TRPC5: variants seen among roughly 807,000 people sequenced by gnomAD.
TRPC5 encodes the protein short transient receptor potential channel 5.
A neutral mutation model predicts 56.5 loss-of-function variants in TRPC5; 9 were observed. The ratio of observed to expected loss-of-function variants is 0.16; its 90% CI spans 0.10 to 0.28. TRPC5 has a LOEUF of 0.28. TRPC5 is among the 10% of genes least tolerant of loss of function. The probability of loss-of-function intolerance (pLI) is 1.00; values close to 1 mark genes in which losing one functional copy is unlikely to be tolerated. For synonymous variants in TRPC5, 282 were observed against 278.5 expected (o/e 1.01, Z -0.13); for missense variants, 469 against 748.9 (o/e 0.63, Z 4.36).
At chrX:111,825,147 CT>C (rs1340583843) in intron 7 of TRPC5, among the ~76,000 whole-genome samples, 5,608 of 23,980 alleles carry the variant, frequency 0.23, 580 homozygotes, top group African/African-American at 0.26. Context: ...TCCTTCCTTC[CT>C]TTCTTTCTTT....
intron 2 of TRPC5, among the ~76,000 whole-genome samples, chrX:111,948,458 G>A (rs1265571541): frequency 9.8e-5 from 11 of 111,898 alleles, no homozygotes; most frequent in African/African-American, 3.6e-4. Context: ...GCTGCTGGGT[G>A]CAGTGGCTCA....
intron 3 of TRPC5, among the ~76,000 whole-genome samples, chrX:111,905,828 T>A (rs747406354): frequency 9.8e-6 from 1 of 102,439 alleles, no homozygotes; most frequent in African/African-American, 3.7e-5. Flanking sequence ...GGCAGGAGAA[T>A]GGCGTGAACC....
intron 1 of TRPC5, among the ~76,000 whole-genome samples, chrX:112,004,794 G>T (rs1928790328): frequency 9.0e-6 from 1 of 111,455 alleles, no homozygotes; most frequent in African/African-American, 3.3e-5. Context: ...GACTGGGAAA[G>T]AACCAGGTGT....
At chrX:112,078,216 T>A (rs930533251) in intron 1 of TRPC5, among the ~76,000 whole-genome samples, 3 of 111,608 alleles carry the variant, frequency 2.7e-5, no homozygotes, top group Non-Finnish European at 5.6e-5. Flanking sequence ...ATTGTGTGTG[T>A]GAGTGTGTGT....
intron 1 of TRPC5, among the ~76,000 whole-genome samples, chrX:112,057,855 GA>G (rs1265631153): frequency 8.9e-6 from 1 of 111,914 alleles, no homozygotes; most frequent in Non-Finnish European, 1.9e-5. Flanking sequence ...CACAGATTCA[GA>G]TCCAGTGGGT....
chrX:111,986,034 A>G (rs889182682), intron 1 of TRPC5, among the ~76,000 whole-genome samples: 14 of 112,008 alleles, frequency 1.2e-4, no homozygotes, highest in Admixed American at 4.7e-4. Flanking sequence ...TGTGAATGAT[A>G]TGTCTTCTGG....
intron 8 of TRPC5, 63 bp from the exon 9 acceptor site, chrX:111,781,269 C>T (rs1464743448): frequency 7.0e-6 from 7 of 997,138 alleles, no homozygotes; most frequent in Non-Finnish European, 1.0e-5. Flanking sequence ...CCCACCCAAA[C>T]ATCTGAATAT....
chrX:111,891,257 G>A (rs1490546652), intron 3 of TRPC5, among the ~76,000 whole-genome samples: 1 of 111,874 alleles, frequency 8.9e-6, no homozygotes, highest in Non-Finnish European at 1.9e-5. Context: ...GGGTCAAATG[G>A]TATTTCTGTC....
intron 7 of TRPC5, among the ~76,000 whole-genome samples, chrX:111,794,304 G>A (rs147590842): frequency 9.0e-6 from 1 of 111,451 alleles, no homozygotes; most frequent in African/African-American, 3.3e-5. Flanking sequence ...TAATCTATAT[G>A]TCCATCTCTG....
intron 1 of TRPC5, among the ~76,000 whole-genome samples, chrX:112,008,939 G>T (rs1278577426): frequency 8.9e-6 from 1 of 111,801 alleles, no homozygotes; most frequent in African/African-American, 3.3e-5. Flanking sequence ...GAGAGGATCT[G>T]CCTGTCACTG....
At chrX:111,928,122 T>C (rs1603102495) in intron 2 of TRPC5, among the ~76,000 whole-genome samples, 3 of 111,691 alleles carry the variant, frequency 2.7e-5, no homozygotes, top group African/African-American at 9.8e-5. Flanking sequence ...ATTCCTTCTT[T>C]AGCAGAAAAA....
chrX:111,999,274 T>G (rs751456836), intron 1 of TRPC5, among the ~76,000 whole-genome samples: 3 of 111,747 alleles, frequency 2.7e-5, no homozygotes, highest in Admixed American at 9.5e-5. Context: ...TAGTCCCCCC[T>G]GCCCTTTCTA....
chrX:111,817,057 G>T (rs762719720), intron 7 of TRPC5, among the ~76,000 whole-genome samples: 25 of 111,568 alleles, frequency 2.2e-4, no homozygotes, highest in South Asian at 1.1e-3. Flanking sequence ...CTCACATAGT[G>T]GAAGAATCCT....
intron 1 of TRPC5, among the ~76,000 whole-genome samples, chrX:112,039,654 A>G (rs1483380946): frequency 1.8e-5 from 2 of 111,655 alleles, no homozygotes; most frequent in Non-Finnish European, 3.8e-5. Flanking sequence ...GATCCTTTTG[A>G]CAAAGCTAAG....
chrX:112,061,868 C>T (rs1010393401), intron 1 of TRPC5, among the ~76,000 whole-genome samples: 3 of 111,644 alleles, frequency 2.7e-5, no homozygotes, highest in Admixed American at 9.5e-5. Context: ...TGCAAGGAAC[C>T]GTAAAGTGAA....
At chrX:111,929,631 C>A (rs1461500264) in intron 2 of TRPC5, among the ~76,000 whole-genome samples, 1 of 112,235 alleles carries the variant, frequency 8.9e-6, no homozygotes, top group Non-Finnish European at 1.9e-5. Context: ...GCTTTGTATT[C>A]TTGCCTCTCT....
intron 7 of TRPC5, among the ~76,000 whole-genome samples, chrX:111,803,696 T>A (rs967064157): frequency 8.9e-6 from 1 of 112,008 alleles, no homozygotes; most frequent in Non-Finnish European, 1.9e-5. Flanking sequence ...TTGATGGGGT[T>A]TTTTGTTTTT....
intron 1 of TRPC5, among the ~76,000 whole-genome samples, chrX:111,980,006 C>CA (rs1390891233): frequency 9.0e-6 from 1 of 111,299 alleles, no homozygotes; most frequent in African/African-American, 3.3e-5. Flanking sequence ...TATGTCCATA[C>CA]AAAAAAATTG....
At chrX:112,078,883 C>G (rs1324711413) in intron 1 of TRPC5, among the ~76,000 whole-genome samples, 2 of 111,614 alleles carry the variant, frequency 1.8e-5, no homozygotes, top group Non-Finnish European at 3.8e-5. Flanking sequence ...AGAAGAAAAG[C>G]TTCGTGAGTT....
Sources: gnomAD v4.1 joint callset for allele counts (sites outside exome capture counted in the v4.1 genomes callset) on GRCh38, gnomAD v4.1.1 for gene constraint, MANE v1.5 for transcripts, NCBI Gene and HGNC (gene_info 2026-07-23, HGNC 2026-07-21) for gene names.